Variants in CNBD1 observed in about 807,000 individuals in gnomAD.
The protein encoded by CNBD1 is cyclic nucleotide-binding domain-containing protein 1.
CNBD1 carries 71 observed loss-of-function variants against 54.4 expected under a neutral mutation model. The observed-to-expected ratio is 1.30, with a 90% CI of 1.08 to 1.59. CNBD1 has a LOEUF of 1.59. CNBD1 is among the 40% of genes most tolerant of loss of function. The pLI, the probability that CNBD1 is intolerant of heterozygous loss-of-function variation, is 0.00. For synonymous variants in CNBD1, 182 were observed against 170.7 expected, an observed-to-expected ratio of 1.07 and a Z score of -0.51; for missense variants, 659 against 518.0, an observed-to-expected ratio of 1.27 and a Z score of -2.64.
chr8:86,999,555 A>C (rs1187706262), intron 4 of CNBD1, among the ~76,000 whole-genome samples: 1 of 151,288 alleles, frequency 6.6e-6, no homozygotes, highest in Non-Finnish European at 1.5e-5. Flanking sequence ...AAAAAAAAAA[A>C]GTCTTTTATT....
chr8:87,020,143 A>C (rs762266993), intron 4 of CNBD1, among the ~76,000 whole-genome samples: 1 of 152,084 alleles, frequency 6.6e-6, no homozygotes, highest in African/African-American at 2.4e-5. Context: ...TTTCTTGTAA[A>C]TGTTATGCCA....
At chr8:86,914,668 C>CT (rs1379481717) in intron 3 of CNBD1, among the ~76,000 whole-genome samples, 2 of 152,048 alleles carry the variant, frequency 1.3e-5, no homozygotes, top group Admixed American at 6.6e-5. Context: ...GAAGAAGTTT[C>CT]TTTTTGTAAA....
intron 10 of CNBD1, 114 bp downstream of exon 10, chr8:87,353,900 T>A: frequency 3.0e-6 from 2 of 673,586 alleles, no homozygotes; most frequent in East Asian, 5.9e-5. Context: ...GGGGTTCACC[T>A]GCAAAGGATG....
At chr8:87,385,217 G>A (rs995055317), downstream of CNBD1, among the ~76,000 whole-genome samples, 4 of 152,118 alleles carry the variant, frequency 2.6e-5, no homozygotes, top group Admixed American at 1.3e-4. Flanking sequence ...GGTGATTTCT[G>A]CATTTCCAAC....
At chr8:87,288,884 A>G (rs1218313972) in intron 8 of CNBD1, among the ~76,000 whole-genome samples, 5 of 152,144 alleles carry the variant, frequency 3.3e-5, no homozygotes, top group African/African-American at 4.8e-5. Context: ...TCAAAGCCCT[A>G]TGAGTTCTGA....
chr8:87,295,301 C>T (rs1808858534), intron 8 of CNBD1, among the ~76,000 whole-genome samples: 1 of 151,842 alleles, frequency 6.6e-6, no homozygotes, highest in Admixed American at 6.6e-5. Flanking sequence ...ATACTTCAAA[C>T]ATACTTTGTA....
intron 4 of CNBD1, among the ~76,000 whole-genome samples, chr8:86,997,195 C>T (rs753059708): frequency 1.3e-5 from 2 of 152,212 alleles, no homozygotes; most frequent in East Asian, 3.9e-4. Context: ...CAGACATGAA[C>T]AGTGTTGTTT....
intron 4 of CNBD1, among the ~76,000 whole-genome samples, chr8:86,940,414 GCCTCGGCCTC>G (rs1430556838): frequency 3.9e-5 from 6 of 152,100 alleles, no homozygotes; most frequent in African/African-American, 7.2e-5. Context: ...TGATCTGCCT[GCCTCGGCCTC>G]CCTCGGCCTG....
intron 4 of CNBD1, among the ~76,000 whole-genome samples, chr8:86,971,456 A>G (rs1338761983): frequency 6.6e-6 from 1 of 152,182 alleles, no homozygotes; most frequent in Non-Finnish European, 1.5e-5. Flanking sequence ...TGTTTCACTG[A>G]AATTTGTTTA....
intron 4 of CNBD1, among the ~76,000 whole-genome samples, chr8:87,194,404 TA>T (rs1450868252): frequency 1.3e-5 from 2 of 152,218 alleles, no homozygotes; most frequent in Non-Finnish European, 2.9e-5. Context: ...GTTTCAGTTG[TA>T]AAAATAGATC....
intron 2 of CNBD1, among the ~76,000 whole-genome samples, chr8:87,424,017 G>A (rs1248009185): frequency 6.6e-6 from 1 of 152,188 alleles, no homozygotes; most frequent in African/African-American, 2.4e-5. Context: ...GAGTGTATGT[G>A]TCAAGGAATT....
At chr8:87,229,191 T>A (rs1327229614) in intron 5 of CNBD1, among the ~76,000 whole-genome samples, 2 of 152,142 alleles carry the variant, frequency 1.3e-5, no homozygotes, top group African/African-American at 4.8e-5. Context: ...CAGATGGAAA[T>A]GCAGAAATCA....
At chr8:87,261,932 G>A (rs765936307) in intron 6 of CNBD1, among the ~76,000 whole-genome samples, 3 of 151,420 alleles carry the variant, frequency 2.0e-5, no homozygotes, top group Middle Eastern at 3.4e-3. Flanking sequence ...GATTGCTTGA[G>A]CTCAGGAGTT....
intron 1 of CNBD1, among the ~76,000 whole-genome samples, chr8:86,883,292 A>G: frequency 6.6e-6 from 1 of 152,142 alleles, no homozygotes; most frequent in East Asian, 1.9e-4. Context: ...TAAACATGGG[A>G]GAAATTTTGA....
intron 4 of CNBD1, among the ~76,000 whole-genome samples, chr8:87,077,513 A>C: frequency 6.7e-6 from 1 of 148,896 alleles, no homozygotes. Flanking sequence ...TGCACCCATT[A>C]ACTCGTCATT....
chr8:86,932,369 G>GT (rs1809472015), intron 3 of CNBD1, among the ~76,000 whole-genome samples: 1 of 152,130 alleles, frequency 6.6e-6, no homozygotes, highest in Non-Finnish European at 1.5e-5. Context: ...AGCCCAGGGG[G>GT]TTTTTTGGTC....
chr8:87,291,018 A>T (rs554999658), intron 8 of CNBD1, among the ~76,000 whole-genome samples: 1 of 151,052 alleles, frequency 6.6e-6, no homozygotes, highest in Non-Finnish European at 1.5e-5. Context: ...TCTGTTTCTG[A>T]CTCTCTCATA....
At chr8:87,325,676 T>G (rs1036128448) in intron 8 of CNBD1, among the ~76,000 whole-genome samples, 21 of 140,524 alleles carry the variant, frequency 1.5e-4, no homozygotes, top group African/African-American at 5.2e-4. Context: ...CTCCATCCTT[T>G]TATTTTGAGC....
intron 8 of CNBD1, among the ~76,000 whole-genome samples, chr8:87,350,510 G>A (rs776347028): frequency 7.3e-5 from 11 of 151,504 alleles, no homozygotes; most frequent in South Asian, 2.1e-4. Context: ...AATTGTTACC[G>A]TGTTATTTTA....
Sources: gnomAD v4.1 joint callset for allele counts (sites outside exome capture counted in the v4.1 genomes callset) on GRCh38, gnomAD v4.1.1 for gene constraint, MANE v1.5 for transcripts, NCBI Gene and HGNC (gene_info 2026-07-23, HGNC 2026-07-21) for gene names.